Variants in KCNIP4 observed in about 807,000 individuals in gnomAD.
KCNIP4 encodes Kv channel-interacting protein 4.
KCNIP4 carries 12 observed loss-of-function variants against 34.0 expected under a neutral mutation model. The ratio of observed to expected loss-of-function variants is 0.35; its 90% confidence interval spans 0.23 to 0.57. KCNIP4 has a LOEUF of 0.57. Among genes scored for constraint, KCNIP4 ranks in the 20% least tolerant of loss-of-function variants. The pLI is 0.83. For synonymous variants in KCNIP4, 124 were observed against 102.2 expected (o/e 1.21, Z -1.29); for missense variants, 238 against 311.7 (o/e 0.76, Z 1.78).
intron 1 of KCNIP4, among the ~76,000 whole-genome samples, chr4:21,799,044 A>T (rs1720828807): frequency 6.6e-6 from 1 of 152,164 alleles, no homozygotes; most frequent in South Asian, 2.1e-4. Context: ...AAAAATGAAA[A>T]AAAAACCTCT....
chr4:21,725,298 T>C (rs1267658095), intron 1 of KCNIP4, among the ~76,000 whole-genome samples: 1 of 152,116 alleles, frequency 6.6e-6, no homozygotes, highest in Non-Finnish European at 1.5e-5. Context: ...ATTCACACCA[T>C]TTGTGAATAA....
At chr4:21,837,941 C>T (rs1723452624) in intron 1 of KCNIP4, among the ~76,000 whole-genome samples, 1 of 151,916 alleles carries the variant, frequency 6.6e-6, no homozygotes, top group South Asian at 2.1e-4. Context: ...TGTTTTTCTC[C>T]CTATGCCTGT....
chr4:21,777,604 A>G (rs764773072), intron 1 of KCNIP4, among the ~76,000 whole-genome samples: 9 of 152,218 alleles, frequency 5.9e-5, no homozygotes, highest in Non-Finnish European at 1.3e-4. Flanking sequence ...ACTTCTGCTC[A>G]GAATTACATA....
intron 1 of KCNIP4, among the ~76,000 whole-genome samples, chr4:21,306,788 G>A (rs941602258): frequency 2.0e-5 from 3 of 151,850 alleles, no homozygotes; most frequent in African/African-American, 7.3e-5. Context: ...TAAAGTTGAT[G>A]ACCTGGGGCT....
chr4:21,732,264 T>G (rs1715662079), intron 1 of KCNIP4, among the ~76,000 whole-genome samples: 1 of 152,116 alleles, frequency 6.6e-6, no homozygotes. Flanking sequence ...CAGTGCTACG[T>G]GCTAGGATGA....
intron 1 of KCNIP4, among the ~76,000 whole-genome samples, chr4:21,558,902 T>C (rs1160547085): frequency 6.6e-6 from 1 of 152,158 alleles, no homozygotes; most frequent in Non-Finnish European, 1.5e-5. Flanking sequence ...TATTTTCTGA[T>C]AGTGTAAGTT....
At chr4:20,730,196 C>CCTGAG in intron 8 of KCNIP4, 67 bp from the exon 9 acceptor site, 1 of 1,517,364 alleles carries the variant, frequency 6.6e-7, no homozygotes. Flanking sequence ...CTATTTTGCC[C>CCTGAG]CTGAGTATTG....
intron 1 of KCNIP4, among the ~76,000 whole-genome samples, chr4:21,127,653 T>C (rs529966165): frequency 1.3e-5 from 2 of 152,308 alleles, no homozygotes; most frequent in South Asian, 4.1e-4. Flanking sequence ...GTGCTTAACA[T>C]ATGTTTATTG....
chr4:21,790,083 G>C (rs371639992), intron 1 of KCNIP4, among the ~76,000 whole-genome samples: 31 of 152,200 alleles, frequency 2.0e-4, no homozygotes, highest in African/African-American at 7.5e-4. Context: ...TCCAGGCAAA[G>C]CCATTATGTG....
chr4:21,903,115 T>C (rs1162415659), intron 1 of KCNIP4, among the ~76,000 whole-genome samples: 1 of 152,202 alleles, frequency 6.6e-6, no homozygotes, highest in Non-Finnish European at 1.5e-5. Flanking sequence ...AAACTGCTAA[T>C]AAAATGAAAT....
intron 1 of KCNIP4, among the ~76,000 whole-genome samples, chr4:20,984,869 T>A (rs1304050107): frequency 6.6e-6 from 1 of 152,130 alleles, no homozygotes; most frequent in Non-Finnish European, 1.5e-5. Context: ...CTGGGGTTGT[T>A]TATTAAAACC....
intron 1 of KCNIP4, among the ~76,000 whole-genome samples, chr4:21,597,361 A>G (rs1030631709): frequency 3.3e-5 from 5 of 152,100 alleles, no homozygotes; most frequent in African/African-American, 4.8e-5. Flanking sequence ...ACATGCAACT[A>G]TAAGTCTATT....
At chr4:21,129,005 C>T (rs1750842522) in intron 1 of KCNIP4, among the ~76,000 whole-genome samples, 1 of 152,208 alleles carries the variant, frequency 6.6e-6, no homozygotes, top group Non-Finnish European at 1.5e-5. Flanking sequence ...GGCTGTGACA[C>T]TACCCATATC....
chr4:21,409,088 GT>G (rs10708207), intron 1 of KCNIP4, among the ~76,000 whole-genome samples: 98,809 of 150,540 alleles, frequency 0.66, 33,621 homozygotes, highest in African/African-American at 0.84. Flanking sequence ...AAATCTTCAA[GT>G]TTTTTTTTGT....
chr4:21,868,601 C>T (rs1222225489), intron 1 of KCNIP4, among the ~76,000 whole-genome samples: 2 of 152,014 alleles, frequency 1.3e-5, no homozygotes, highest in East Asian at 3.9e-4. Flanking sequence ...GAGTGTCTGG[C>T]TCATAGGCAC....
intron 1 of KCNIP4, among the ~76,000 whole-genome samples, chr4:21,332,958 C>A (rs964214859): frequency 2.0e-5 from 3 of 151,972 alleles, no homozygotes; most frequent in African/African-American, 7.2e-5. Context: ...TTTCTTTGAA[C>A]TCCTGTAATA....
chr4:21,788,416 A>G (rs1376135534), intron 1 of KCNIP4, among the ~76,000 whole-genome samples: 1 of 152,240 alleles, frequency 6.6e-6, no homozygotes, highest in African/African-American at 2.4e-5. Context: ...GTTCTAATCA[A>G]TTACTTTAAC....
At chr4:20,819,152 G>A (rs569448741) in intron 3 of KCNIP4, among the ~76,000 whole-genome samples, 11 of 152,008 alleles carry the variant, frequency 7.2e-5, no homozygotes, top group South Asian at 4.2e-4. Context: ...GAGCCACAGC[G>A]CCTGGCCTTA....
intron 3 of KCNIP4, among the ~76,000 whole-genome samples, chr4:20,805,910 T>C (rs1345869915): frequency 6.6e-6 from 1 of 152,134 alleles, no homozygotes; most frequent in Non-Finnish European, 1.5e-5. Flanking sequence ...GTAAATGTAC[T>C]AGGGTATGTT....
Sources: allele counts gnomAD v4.1 joint callset (sites outside exome capture counted in the v4.1 genomes callset), GRCh38; gene constraint gnomAD v4.1.1; transcripts MANE v1.5; gene names NCBI Gene and HGNC (gene_info 2026-07-23, HGNC 2026-07-21).